The following HSPA12A variants were observed in gnomAD, a reference collection of about 807,000 sequenced individuals.
HSPA12A encodes heat shock 70 kDa protein 12A.
Under a neutral mutation model 69.2 loss-of-function variants are expected in HSPA12A, and 28 were observed. That is an observed-to-expected ratio of 0.40 (90% CI 0.30 to 0.55). The LOEUF (loss-of-function observed/expected upper bound fraction) is 0.55. Among genes scored for constraint, HSPA12A ranks in the 20% least tolerant of loss-of-function variants. The pLI, the probability that HSPA12A is intolerant of heterozygous loss-of-function variation, is 0.38. For synonymous variants in HSPA12A, 345 were observed against 370.5 expected (o/e 0.93, Z 0.79); for missense variants, 686 against 900.7 (o/e 0.76, Z 3.05).
intron 1 of HSPA12A, among the ~76,000 whole-genome samples, chr10:116,724,819 G>T (rs916985310): frequency 6.6e-6 from 1 of 152,234 alleles, no homozygotes; most frequent in African/African-American, 2.4e-5. Flanking sequence ...CCCAGCCATA[G>T]CCCTGGTCCT....
At chr10:116,776,060 G>T (rs1341593195) in intron 2 of HSPA12A, among the ~76,000 whole-genome samples, 1 of 152,136 alleles carries the variant, frequency 6.6e-6, no homozygotes, top group Non-Finnish European at 1.5e-5. Context: ...CATCCCATTG[G>T]TCTCTGTCCA....
intron 2 of HSPA12A, among the ~76,000 whole-genome samples, chr10:116,768,888 C>A (rs1554890082): frequency 6.6e-6 from 1 of 152,132 alleles, no homozygotes; most frequent in Non-Finnish European, 1.5e-5. Flanking sequence ...CCAGCTTGTT[C>A]CTCTGAGTTA....
chr10:116,831,391 T>C (rs1845611382), intron 2 of HSPA12A: 1 of 152,102 alleles, frequency 6.6e-6, no homozygotes, highest in Non-Finnish European at 1.5e-5. Context: ...ATTCCAAGGA[T>C]AAGAAAGGTT....
In HSPA12A at chr10:116,780,425, C is replaced by T. The variant is rs377028718; in HGVS notation, c.91+54510G>A. Among the ~76,000 whole-genome samples, 10 of 152,204 alleles carry T rather than the reference C, an allele frequency of 6.6e-5. No homozygotes were observed. The South Asian group carries it at 1.9e-3, about 28-fold the overall frequency. ...GGAGTGCAGAGGTGCAGTCACCACT[C>T]ACTGCAGCCTCCACCTCCCACACTC... On this transcript the variant is annotated intron_variant, in intron 2 of 12. Coordinates refer to the HSPA12A transcript ENST00000635765.
intron 1 of HSPA12A, among the ~76,000 whole-genome samples, chr10:116,728,393 G>A (rs1252972010): frequency 6.6e-6 from 1 of 152,192 alleles, no homozygotes; most frequent in Non-Finnish European, 1.5e-5. Flanking sequence ...TCTGTACCTG[G>A]AGACAGGATT....
chr10:116,818,661 C>G (rs908717425), intron 2 of HSPA12A, among the ~76,000 whole-genome samples: 2 of 152,182 alleles, frequency 1.3e-5, no homozygotes, highest in Admixed American at 1.3e-4. Flanking sequence ...GCAAAGGCCA[C>G]AAGCACCTCC....
chr10:116,683,429 G>T (rs990454975), intron 7 of HSPA12A: 1 of 166,178 alleles, frequency 6.0e-6, no homozygotes, highest in Non-Finnish European at 1.3e-5. Context: ...TCTTAATGGA[G>T]AATTAATAAC....
chr10:116,720,913 G>T (rs1000506812), intron 1 of HSPA12A, among the ~76,000 whole-genome samples: 1 of 152,214 alleles, frequency 6.6e-6, no homozygotes, highest in Admixed American at 6.5e-5. Flanking sequence ...GGGGAGGCAC[G>T]ATGGGAACTG....
At chr10:116,827,488 CTGCTGGTA>C (rs2133205182) in intron 2 of HSPA12A, 1 of 152,368 alleles carries the variant, frequency 6.6e-6, no homozygotes, top group East Asian at 1.9e-4. Flanking sequence ...GCTACCTCTC[CTGCTGGTA>C]CAGACACCGC....
At chr10:116,677,038 T>G (rs1554877833) in intron 10 of HSPA12A, among the ~76,000 whole-genome samples, 2 of 151,958 alleles carry the variant, frequency 1.3e-5, no homozygotes, top group African/African-American at 2.4e-5. Flanking sequence ...AATCCAGGAT[T>G]GTGGGGCTCT....
At position 116,681,704 on chromosome 10, in the gene HSPA12A, A is replaced by T. The variant is rs1298557743; in HGVS notation, c.922+87T>A. On this transcript the variant is annotated intron_variant, in intron 8 of 11. Coordinates refer to ENST00000369209, the MANE Select transcript of HSPA12A (RefSeq NM_025015.3). Reference sequence around the variant, plus strand: ...AACCCACTGAGTTTGAACATTTTCCAAAAGTGCAAAAGGGACAAATGGGAA... The same window carrying T: ...AACCCACTGAGTTTGAACATTTTCCTAAAGTGCAAAAGGGACAAATGGGAA... The T allele has an allele frequency of 2.4e-6, 3 of 1,244,798 alleles. No individual in the cohort carries two copies. The African/African-American group carries it at 4.5e-5, about 18-fold the overall frequency. The allele number at this position is 1,244,798 out of a possible 1,614,324, so 77.1% of individuals were successfully genotyped here.
Position 116,700,574 on chromosome 10 carries a change from T to C in HSPA12A, c.441+369A>G, listed in dbSNP as rs567859446. ...CCCTAGCCCCCAAGTGGATCCTTCA[T>C]GATACACTGATCTCTCAATAATCCA... On this transcript the variant is annotated intron_variant, in intron 4 of 11. Coordinates refer to ENST00000369209, the MANE Select transcript of HSPA12A (RefSeq NM_025015.3). Among the ~76,000 whole-genome samples the C allele has an allele frequency of 6.6e-5, 10 of 152,242 alleles. No individual in the cohort carries two copies. In the East Asian group the frequency reaches 1.9e-3, roughly 29 times the overall value.
At chr10:116,679,359 G>C in intron 10 of HSPA12A, 144 bp downstream of exon 10, 3 of 907,260 alleles carry the variant, frequency 3.3e-6, no homozygotes, top group Non-Finnish European at 3.4e-6. Flanking sequence ...AAAAAACTGA[G>C]GGAAGAGAAG....
intron 2 of HSPA12A, among the ~76,000 whole-genome samples, chr10:116,815,350 G>C (rs941538805): frequency 6.6e-6 from 1 of 151,594 alleles, no homozygotes; most frequent in Non-Finnish European, 1.5e-5. Flanking sequence ...CAGATCACTT[G>C]AGGCCAGGAG....
In HSPA12A at chr10:116,681,895, G is replaced by A. The variant is rs1554878680; in HGVS notation, c.836-18C>T. The A allele has an allele frequency of 1.2e-6, 2 of 1,610,200 alleles. No homozygotes were observed. On this transcript the variant is annotated intron_variant, in intron 7 of 11. Transcript: ENST00000369209. ...TTCCTTAGCTAGTGGCCGACAGAAA[G>A]AAAATGATGACGGGTAAGAAAGCAT...
chr10:116,755,381 A>T (rs1312635504), intron 2 of HSPA12A, among the ~76,000 whole-genome samples: 3 of 151,988 alleles, frequency 2.0e-5, no homozygotes, highest in Non-Finnish European at 4.4e-5. Flanking sequence ...GGAGGCTGAG[A>T]TGAGCAGATC....
chr10:116,771,504 C>T lies in HSPA12A; in HGVS notation c.91+63431G>A, dbSNP rs370580601. Among the ~76,000 whole-genome samples, 34 of 152,328 alleles carry T rather than the reference C, an allele frequency of 2.2e-4. No homozygotes were observed. In the South Asian group the frequency reaches 6.0e-3, roughly 27 times the overall value. ...GAAGCCACTGGAATATTTTAAGCAA[C>T]GAAAGAGGCCAGGGCAGAGCCTGGG... On this transcript the variant is annotated intron_variant, in intron 2 of 12. Coordinates refer to the HSPA12A transcript ENST00000635765.
At chr10:116,770,068 G>A (rs7093563) in intron 2 of HSPA12A, among the ~76,000 whole-genome samples, 11,727 of 152,254 alleles carry the variant, frequency 0.077, 1,366 homozygotes, top group African/African-American at 0.25. Context: ...GTTTGTCCTT[G>A]GGGCAGGGTG....
intron 2 of HSPA12A, among the ~76,000 whole-genome samples, chr10:116,773,770 C>A (rs1465696915): frequency 6.6e-6 from 1 of 152,216 alleles, no homozygotes; most frequent in Admixed American, 6.5e-5. Context: ...AGGGGCAAAG[C>A]TGCAAAACAG....
Sources: allele counts gnomAD v4.1 joint callset (sites outside exome capture counted in the v4.1 genomes callset), GRCh38; gene constraint gnomAD v4.1.1; transcripts MANE v1.5; gene names NCBI Gene and HGNC (gene_info 2026-07-23, HGNC 2026-07-21).